The following ETV6 variants were observed in gnomAD, a reference collection of about 807,000 sequenced individuals.
The protein encoded by ETV6 is ETS variant transcription factor 6.
ETV6 carries 16 observed loss-of-function variants against 51.1 expected under a neutral mutation model. The ratio of observed to expected loss-of-function variants is 0.31; its 90% confidence interval spans 0.21 to 0.48. The LOEUF (loss-of-function observed/expected upper bound fraction) is 0.48. Ranked by LOEUF, ETV6 falls within the 20% of genes least tolerant of loss-of-function variation. The pLI is 0.99. For missense variants in ETV6, 458 were observed against 594.8 expected (o/e 0.77, Z 2.39); for synonymous variants, 240 against 224.1 (o/e 1.07, Z -0.64).
At chr12:11,787,139 G>A (rs76119933) in intron 2 of ETV6, among the ~76,000 whole-genome samples, 1,556 of 152,330 alleles carry the variant, frequency 0.01, 29 homozygotes, top group African/African-American at 0.035. Flanking sequence ...TAAGCAAGCT[G>A]TGGAAGCATG....
chr12:11,795,725 C>T (rs961081893), intron 2 of ETV6, among the ~76,000 whole-genome samples: 2 of 152,320 alleles, frequency 1.3e-5, no homozygotes, highest in Middle Eastern at 6.8e-3. Flanking sequence ...TAATATTGTA[C>T]AGTGGGCAAT....
intron 1 of ETV6, among the ~76,000 whole-genome samples, chr12:11,659,934 AGAG>A (rs748274873): frequency 2.6e-5 from 4 of 152,160 alleles, no homozygotes; most frequent in Non-Finnish European, 1.5e-5. Flanking sequence ...CAAGGGATGA[AGAG>A]GAGTTGGCGA....
intron 2 of ETV6, among the ~76,000 whole-genome samples, chr12:11,785,117 G>A (rs1945467285): frequency 6.6e-6 from 1 of 152,076 alleles, no homozygotes. Context: ...GATAGGAAGA[G>A]GGAGAGTGGG....
At chr12:11,837,825 C>T (rs188581348) in intron 2 of ETV6, among the ~76,000 whole-genome samples, 1 of 152,278 alleles carries the variant, frequency 6.6e-6, no homozygotes, top group East Asian at 1.9e-4. Flanking sequence ...CCCAGCAGTT[C>T]TTAAATTTGG....
At position 11,752,466 on chromosome 12, in the gene ETV6, A is replaced by G. The variant is rs2121067376; in HGVS notation, c.50A>G (p.Tyr17Cys). The change falls in exon 2 of 8, where the codon TAT becomes TGT. Residue 17 changes from tyrosine (Y) to cysteine (C), a missense_variant. Tyr to Cys is a radical substitution (Grantham distance 194). This residue lies in a region of ETV6 where 84 missense variants were observed against 75.9 expected (regional missense o/e 1.11). Transcript: ENST00000396373. ...QCSIKQERISYTPPESPVPSY... is the reference protein window; with the variant it reads ...QCSIKQERISCTPPESPVPSY... ...TTTTAACAGCAGGAACGAATTTCAT[A>G]TACACCTCCAGAGAGCCCAGTGCCG... The G allele has an allele frequency of 6.2e-7, 1 of 1,612,094 alleles. No individual in the cohort carries two copies. The highest frequency in any genetic ancestry group is 1.1e-5 in the South Asian group (1 of 90,966).
intron 5 of ETV6, among the ~76,000 whole-genome samples, chr12:11,872,089 C>G (rs1374340751): frequency 6.6e-6 from 1 of 152,132 alleles, no homozygotes; most frequent in East Asian, 1.9e-4. Flanking sequence ...TTTGCAGATA[C>G]CTTTTGCTTG....
chr12:11,876,871 T>G (rs1409702204), intron 5 of ETV6, among the ~76,000 whole-genome samples: 6 of 152,170 alleles, frequency 3.9e-5, no homozygotes, highest in Non-Finnish European at 8.8e-5. Context: ...GCTCAAGATC[T>G]CTTCACTCCC....
intron 1 of ETV6, among the ~76,000 whole-genome samples, chr12:11,689,538 A>G (rs912179505): frequency 3.9e-5 from 6 of 152,160 alleles, no homozygotes; most frequent in African/African-American, 1.4e-4. Flanking sequence ...AAATGTCCAC[A>G]GTTAGGCTAA....
intron 5 of ETV6, among the ~76,000 whole-genome samples, chr12:11,878,543 C>A (rs992787312): frequency 6.6e-6 from 1 of 152,128 alleles, no homozygotes; most frequent in Admixed American, 6.5e-5. Context: ...GCCTTCTCCA[C>A]ACCTTATGTA....
Position 11,891,583 on chromosome 12 carries a change from A to C in ETV6, c.*537A>C. On this transcript the variant is annotated 3_prime_UTR_variant, in exon 8 of 8. Coordinates refer to ENST00000396373, the MANE Select transcript of ETV6 (RefSeq NM_001987.5). ...CACGTGGATCAGGTCTGTTCCTGTTACTGTTGGGTCTTGGCTGAAAAAAAA... is the reference window on the plus strand; with the variant it reads ...CACGTGGATCAGGTCTGTTCCTGTTCCTGTTGGGTCTTGGCTGAAAAAAAA... 3.7e-6 allele frequency: 2 copies of C among 533,376 alleles called. No homozygotes were observed. The highest frequency in any genetic ancestry group is 7.3e-6 in the Non-Finnish European group (2 of 275,224). The allele number at this position is 533,376 out of a possible 1,614,324, so 33.0% of individuals were successfully genotyped here.
intron 7 of ETV6, 84 bp from the exon 8 acceptor site, chr12:11,890,857 T>G (rs1947275727): frequency 1.9e-6 from 2 of 1,037,590 alleles, no homozygotes; most frequent in Non-Finnish European, 3.0e-6. Flanking sequence ...GATGGAGTCT[T>G]TCTTTATATA....
At chr12:11,783,505 A>T (rs1945439843) in intron 2 of ETV6, among the ~76,000 whole-genome samples, 1 of 152,108 alleles carries the variant, frequency 6.6e-6, no homozygotes, top group Non-Finnish European at 1.5e-5. Context: ...AAAAGATAGG[A>T]TCTGGAAGGC....
At chr12:11,864,332 C>T (rs1480976313) in intron 4 of ETV6, among the ~76,000 whole-genome samples, 5 of 152,240 alleles carry the variant, frequency 3.3e-5, no homozygotes, top group Admixed American at 2.0e-4. Flanking sequence ...CGCCTGTGAC[C>T]GTTTTGAAAT....
intron 2 of ETV6, among the ~76,000 whole-genome samples, chr12:11,802,883 C>T (rs1169385338): frequency 6.6e-6 from 1 of 152,188 alleles, no homozygotes; most frequent in Non-Finnish European, 1.5e-5. Flanking sequence ...CCTGAATTTT[C>T]TCTAGTGACC....
chr12:11,839,202 G>C lies in ETV6; in HGVS notation c.226G>C (p.Glu76Gln). The change falls in exon 3 of 8, where the codon GAG becomes CAG. Residue 76 changes from glutamate (E) to glutamine (Q), a missense_variant. By Grantham distance (29) the Glu-to-Gln change is conservative (BLOSUM62 2). This residue lies in a region of ETV6 where 26 missense variants were observed against 52.1 expected (regional missense o/e 0.50). Transcript: ENST00000396373. ...VAQWLKWAEN[E>Q]FSLRPIDSNT... The stretch of plus-strand genomic sequence containing the variant: ...CCAGTGGCTCAAGTGGGCTGAAAAT[G>C]AGTTTTCTTTAAGGCCAATTGACAG... 6.2e-7 allele frequency: 1 copy of C among 1,614,270 alleles called. No homozygotes were observed. Among genetic ancestry groups the C allele is most frequent in the Non-Finnish European group, 8.5e-7 (1 of 1,180,052 alleles).
In ETV6 at chr12:11,752,560, C is replaced by G. The variant is rs762963642; in HGVS notation, c.144C>G (p.Ile48Met). The G allele has an allele frequency of 1.2e-6, 2 of 1,613,178 alleles. No individual in the cohort carries two copies. Among genetic ancestry groups the G allele is most frequent in the Non-Finnish European group, 1.7e-6 (2 of 1,179,916 alleles). The change falls in exon 2 of 8, where the codon ATC becomes ATG. Residue 48 changes from isoleucine (I) to methionine (M), a missense_variant. Physicochemically the swap from Ile to Met is conservative, Grantham distance 10 (BLOSUM62 1). Transcript: ENST00000396373. ...CGCTCAGGATGGAGGAAGACTCGAT[C>G]CGCCTGCCTGCGCACCTGCGTGAGT... Reference protein sequence around the residue: ...PRALRMEEDSIRLPAHLRLQP... With the variant: ...PRALRMEEDSMRLPAHLRLQP...
intron 1 of ETV6, among the ~76,000 whole-genome samples, chr12:11,685,390 A>G (rs762204159): frequency 3.9e-5 from 6 of 152,042 alleles, no homozygotes; most frequent in Non-Finnish European, 8.8e-5. Flanking sequence ...TTTGAAACCT[A>G]GAAACCCTTA....
chr12:11,801,146 C>T (rs893953927), intron 2 of ETV6, among the ~76,000 whole-genome samples: 2 of 152,134 alleles, frequency 1.3e-5, no homozygotes, highest in East Asian at 1.9e-4. Context: ...TCCCAGCATC[C>T]GGATGGCAAA....
intron 1 of ETV6, among the ~76,000 whole-genome samples, chr12:11,673,777 A>G (rs1864363890): frequency 6.6e-6 from 1 of 152,170 alleles, no homozygotes; most frequent in Admixed American, 6.5e-5. Context: ...GATCTTGGCC[A>G]GATATTATCT....
Sources: gnomAD v4.1 joint callset for allele counts (sites outside exome capture counted in the v4.1 genomes callset) on GRCh38, gnomAD v4.1.1 for gene constraint, gnomAD v4.1.1 regional missense constraint, MANE v1.5 for transcripts, NCBI Gene and HGNC (gene_info 2026-07-23, HGNC 2026-07-21) for gene names.